The following CDC40 variants were observed in gnomAD, a reference collection of about 807,000 sequenced individuals.
The protein encoded by CDC40 is cell division cycle 40.
A neutral mutation model predicts 80.6 loss-of-function variants in CDC40; 27 were observed. That is an observed-to-expected ratio of 0.33 (90% CI 0.25 to 0.46). The LOEUF (loss-of-function observed/expected upper bound fraction) is 0.46, where lower values mean the gene tolerates loss of function less well. Ranked by LOEUF, CDC40 falls within the 20% of genes least tolerant of loss-of-function variation. The pLI is 1.00. For missense variants in CDC40, 486 were observed against 694.1 expected, an observed-to-expected ratio of 0.70 and a Z score of 3.37; for synonymous variants, 221 against 232.6, an observed-to-expected ratio of 0.95 and a Z score of 0.45.
At chr6:110,183,264 G>A (rs974948691) in intron 1 of CDC40, among the ~76,000 whole-genome samples, 10 of 152,174 alleles carry the variant, frequency 6.6e-5, no homozygotes, top group African/African-American at 2.4e-4. Flanking sequence ...TCCAGAGACT[G>A]TTGTATCCAT....
At chr6:110,216,011 A>G (rs1777695478) in intron 9 of CDC40, among the ~76,000 whole-genome samples, 1 of 152,236 alleles carries the variant, frequency 6.6e-6, no homozygotes, top group South Asian at 2.1e-4. Context: ...AAGAAGGAAC[A>G]TAAGATGATG....
chr6:110,192,983 A>C (rs1007798523), intron 1 of CDC40, among the ~76,000 whole-genome samples, 199 bp from the exon 2 acceptor site: 3 of 152,194 alleles, frequency 2.0e-5, no homozygotes, highest in African/African-American at 7.2e-5. Flanking sequence ...ATTGTTAATA[A>C]AGTCAGTATT....
intron 5 of CDC40, among the ~76,000 whole-genome samples, chr6:110,210,392 CAG>C (rs143694164): frequency 0.065 from 9,825 of 150,946 alleles, 385 homozygotes; most frequent in African/African-American, 0.12. Context: ...TCTACTAAAA[CAG>C]AAAAAATTAG....
chr6:110,210,685 T>G, intron 5 of CDC40, 22 bp from the exon 6 acceptor site: 1 of 1,416,636 alleles, frequency 7.1e-7, no homozygotes, highest in Non-Finnish European at 9.5e-7. Flanking sequence ...TCATTTTAAA[T>G]TTCACTCCTT....
intron 1 of CDC40, among the ~76,000 whole-genome samples, chr6:110,184,867 C>A (rs1777244115): frequency 1.3e-5 from 2 of 152,152 alleles, no homozygotes; most frequent in African/African-American, 4.8e-5. Flanking sequence ...CAAAAATTGA[C>A]AGAACTACAA....
intron 6 of CDC40, 100 bp from the exon 7 acceptor site, chr6:110,212,033 G>A: frequency 1.0e-6 from 1 of 975,790 alleles, no homozygotes; most frequent in Admixed American, 2.1e-5. Context: ...ACCTTAATAT[G>A]GAATGATATA....
chr6:110,215,672 T>G (rs527253646), intron 9 of CDC40, among the ~76,000 whole-genome samples: 1 of 152,128 alleles, frequency 6.6e-6, no homozygotes, highest in South Asian at 2.1e-4. Flanking sequence ...TAATAAAGAG[T>G]TTAGCCTCTG....
At chr6:110,226,539 C>T (rs1315309412) in intron 13 of CDC40, among the ~76,000 whole-genome samples, 1 of 148,890 alleles carries the variant, frequency 6.7e-6, no homozygotes, top group Non-Finnish European at 1.5e-5. Context: ...TTTTCTTTTC[C>T]CCTCCTCTCC....
In CDC40 at chr6:110,216,953, A is replaced by G. The variant is rs541584451; in HGVS notation, c.989-749A>G. Reference sequence around the variant, plus strand: ...AAAACCCTGTCTCTACAGAAAATACAGAAATTAGCCAGGCGTTGTGGTGTG... The same window carrying G: ...AAAACCCTGTCTCTACAGAAAATACGGAAATTAGCCAGGCGTTGTGGTGTG... On this transcript the variant is annotated intron_variant, in intron 9 of 14. Transcript: ENST00000307731. 1.8e-3 allele frequency among the ~76,000 whole-genome samples: 269 copies of G among 152,280 alleles called. 2 individuals carry two copies. Among genetic ancestry groups the G allele is most frequent in the African/African-American group, 6.3e-3 (260 of 41,552 alleles).
At chr6:110,212,946 A>C in intron 7 of CDC40, 140 bp from the exon 8 acceptor site, 1 of 679,206 alleles carries the variant, frequency 1.5e-6, no homozygotes, top group Non-Finnish European at 2.7e-6. Flanking sequence ...AATGCTAATG[A>C]AAGTTATTCT....
chr6:110,193,239 C>G lies in CDC40; in HGVS notation c.247C>G (p.Pro83Ala), dbSNP rs556916492. The stretch of plus-strand genomic sequence containing the variant: ...TGCCGTCAAAGAAGTTCAGTATAAT[C>G]CTACCTATGAGACCATGTTTGCTCC... ...DPAVKEVQYN[P>A]TYETMFAPEF... Residue 83 changes from proline to alanine, a missense_variant, in exon 2 of 15, where the codon CCT (proline) becomes GCT (alanine). Pro to Ala is a conservative substitution (Grantham distance 27). Coordinates refer to ENST00000307731, the MANE Select transcript of CDC40 (RefSeq NM_015891.3). 1 of 1,607,406 alleles carries G rather than the reference C, an allele frequency of 6.2e-7. No individual in the cohort carries two copies. The highest frequency in any genetic ancestry group is 2.2e-5 in the East Asian group (1 of 44,802).
chr6:110,229,233 C>A (rs545761199), intron 14 of CDC40, among the ~76,000 whole-genome samples: 1 of 152,146 alleles, frequency 6.6e-6, no homozygotes, highest in Admixed American at 6.6e-5. Context: ...TAATAAATCC[C>A]TGTCTATATA....
At chr6:110,208,331 C>A (rs976486733) in intron 4 of CDC40, among the ~76,000 whole-genome samples, 5 of 152,122 alleles carry the variant, frequency 3.3e-5, no homozygotes, top group African/African-American at 1.2e-4. Context: ...AGCTAGACCT[C>A]TGCAAGTCCC....
chr6:110,182,875 C>T (rs974279488), intron 1 of CDC40, among the ~76,000 whole-genome samples: 3 of 152,216 alleles, frequency 2.0e-5, no homozygotes, highest in African/African-American at 7.2e-5. Flanking sequence ...CCACAGTGCA[C>T]TTAGAATGAT....
At chr6:110,226,335 G>A in intron 13 of CDC40, 92 bp downstream of exon 13, 1 of 727,498 alleles carries the variant, frequency 1.4e-6, no homozygotes, top group Admixed American at 2.4e-5. Context: ...TTCCTTCTTG[G>A]GGAAGTTTGT....
chr6:110,198,158 A>G (rs954537635), intron 2 of CDC40, among the ~76,000 whole-genome samples: 2 of 149,126 alleles, frequency 1.3e-5, no homozygotes, highest in African/African-American at 4.9e-5. Flanking sequence ...AATGTTGAGT[A>G]CTTTCTCAAA....
chr6:110,196,131 A>G (rs1777416418), intron 2 of CDC40, among the ~76,000 whole-genome samples: 1 of 152,154 alleles, frequency 6.6e-6, no homozygotes, highest in Non-Finnish European at 1.5e-5. Context: ...TTTTATAGCA[A>G]GGAAACCAAG....
Position 110,219,366 on chromosome 6 carries a change from C to T in CDC40, c.1093C>T (p.Gln365Ter). The change falls in exon 11 of 15, where the codon CAG becomes TAG. Residue 365 changes from glutamine to a stop codon, truncating the protein, a stop_gained and splice_region_variant. Transcript: ENST00000307731. LOFTEE classifies it high-confidence loss of function. ...TTAATTTGAGTCTTTGGTTTTAGGA[C>T]AGTGTATATCAAGATTTACAAACCG... ...YLKLWDTETG[Q>*]CISRFTNRKV... The T allele has an allele frequency of 7.1e-7, 1 of 1,412,186 alleles. No individual in the cohort carries two copies. Among genetic ancestry groups the T allele is most frequent in the Non-Finnish European group, 1.0e-6 (1 of 1,001,888 alleles). The allele number at this position is 1,412,186 out of a possible 1,614,324, so 87.5% of individuals were successfully genotyped here.
intron 8 of CDC40, 129 bp from the exon 9 acceptor site, chr6:110,215,157 T>C (rs1157283540): frequency 4.4e-6 from 3 of 681,288 alleles, no homozygotes; most frequent in Non-Finnish European, 7.8e-6. Context: ...TGTTTAATAT[T>C]TAATGATTGA....
Sources: allele counts gnomAD v4.1 joint callset (sites outside exome capture counted in the v4.1 genomes callset), GRCh38; gene constraint gnomAD v4.1.1; transcripts MANE v1.5; gene names NCBI Gene and HGNC (gene_info 2026-07-23, HGNC 2026-07-21).